Variants in ARHGEF37 observed in about 807,000 individuals in gnomAD.
The protein encoded by ARHGEF37 is Rho guanine nucleotide exchange factor (GEF) 37.
Under a neutral mutation model 71.1 loss-of-function variants are expected in ARHGEF37, and 55 were observed. The observed-to-expected ratio is 0.77, with a 90% CI of 0.62 to 0.97. The LOEUF (loss-of-function observed/expected upper bound fraction) is 0.97, where lower values mean the gene tolerates loss of function less well. Ranked by LOEUF, ARHGEF37 falls within the 50% of genes least tolerant of loss-of-function variation. The pLI is 0.00. For synonymous variants in ARHGEF37, 327 were observed against 350.6 expected, an observed-to-expected ratio of 0.93 and a Z score of 0.75; for missense variants, 765 against 836.8, an observed-to-expected ratio of 0.91 and a Z score of 1.06.
At chr5:149,621,531 T>C (rs992292542) in intron 8 of ARHGEF37, among the ~76,000 whole-genome samples, 9 of 152,250 alleles carry the variant, frequency 5.9e-5, no homozygotes, top group Non-Finnish European at 1.2e-4. Context: ...CTAAGCACTC[T>C]GTTAAGCTCA....
At chr5:149,617,839 C>A (rs981189886) in intron 5 of ARHGEF37, among the ~76,000 whole-genome samples, 1 of 152,186 alleles carries the variant, frequency 6.6e-6, no homozygotes. Context: ...GCAAATCTCT[C>A]CTCCATGGGT....
intron 3 of ARHGEF37, among the ~76,000 whole-genome samples, chr5:149,603,900 T>C (rs1763833831): frequency 6.6e-6 from 1 of 152,180 alleles, no homozygotes; most frequent in Non-Finnish European, 1.5e-5. Flanking sequence ...CGTGCCAGTG[T>C]ACTCCAGCCT....
intron 4 of ARHGEF37, among the ~76,000 whole-genome samples, chr5:149,615,769 G>T (rs1388575864): frequency 6.6e-6 from 1 of 152,128 alleles, no homozygotes; most frequent in African/African-American, 2.4e-5. Context: ...GTGTGCACCT[G>T]TAATCCCAGC....
chr5:149,553,430 G>A (rs1762712723), intron 1 of ARHGEF37, among the ~76,000 whole-genome samples: 1 of 150,140 alleles, frequency 6.7e-6, no homozygotes, highest in Non-Finnish European at 1.5e-5. Flanking sequence ...ATCAATTCTG[G>A]TCTTAAAAAA....
At chr5:149,622,951 C>A (rs1222882580) in intron 9 of ARHGEF37, among the ~76,000 whole-genome samples, 2 of 152,156 alleles carry the variant, frequency 1.3e-5, no homozygotes, top group East Asian at 3.9e-4. Flanking sequence ...CTCAGCTTTT[C>A]CCCATCCAAT....
intron 1 of ARHGEF37, among the ~76,000 whole-genome samples, chr5:149,556,107 G>C (rs1230819593): frequency 2.6e-5 from 4 of 152,198 alleles, no homozygotes; most frequent in Non-Finnish European, 5.9e-5. Flanking sequence ...CAGAAGGGTA[G>C]CCTGCCAATC....
At chr5:149,602,248 G>C (rs2113321819) in intron 3 of ARHGEF37, among the ~76,000 whole-genome samples, 1 of 151,950 alleles carries the variant, frequency 6.6e-6, no homozygotes, top group South Asian at 2.1e-4. Flanking sequence ...GTAGAGACAG[G>C]GTTTCACCGT....
chr5:149,562,723 G>T (rs1462300730), intron 1 of ARHGEF37, among the ~76,000 whole-genome samples: 1 of 152,130 alleles, frequency 6.6e-6, no homozygotes, highest in African/African-American at 2.4e-5. Flanking sequence ...TGGGATTACA[G>T]GCGTGAGCCA....
intron 3 of ARHGEF37, among the ~76,000 whole-genome samples, chr5:149,603,142 A>G (rs73267876): frequency 0.27 from 41,093 of 151,830 alleles, 6,578 homozygotes; most frequent in Admixed American, 0.44. Context: ...CATGTTGGCC[A>G]GGCTGGTCTC....
In ARHGEF37 at chr5:149,618,290, C is replaced by T. The variant is rs367668023; in HGVS notation, c.773C>T (p.Ala258Val). The T allele has an allele frequency of 1.8e-5, 29 of 1,614,064 alleles. No individual in the cohort carries two copies. The South Asian group carries it at 1.9e-4, about 10-fold the overall frequency. The change falls in exon 6 of 13, where the codon GCG becomes GTG. Residue 258 changes from alanine (A) to valine (V), a missense_variant. This residue lies in a region of ARHGEF37 where 167 missense variants were observed against 173.3 expected (regional missense o/e 0.96). Transcript: ENST00000333677. ...TRLSQLLKQEAGLIPRTEDKE... is the reference protein window; with the variant it reads ...TRLSQLLKQEVGLIPRTEDKE... ...CTGAGCCAGCTGCTGAAGCAGGAGGCGGGGCTGATCCCCAGGGTGAGCGTG... is the reference window on the plus strand; with the variant it reads ...CTGAGCCAGCTGCTGAAGCAGGAGGTGGGGCTGATCCCCAGGGTGAGCGTG...
upstream of ARHGEF37, among the ~76,000 whole-genome samples, chr5:149,577,572 C>A (rs1273185256): frequency 6.6e-6 from 1 of 152,184 alleles, no homozygotes; most frequent in Admixed American, 6.5e-5. Flanking sequence ...TAAAGAAGTT[C>A]TCTGATTAGC....
At chr5:149,575,947 T>C (rs1293186952) in intron 1 of ARHGEF37, among the ~76,000 whole-genome samples, 1 of 151,732 alleles carries the variant, frequency 6.6e-6, no homozygotes, top group Non-Finnish European at 1.5e-5. Context: ...TGGTTTTCAA[T>C]ACAAAATGTA....
intron 7 of ARHGEF37, among the ~76,000 whole-genome samples, chr5:149,619,841 G>A (rs1328447373): frequency 3.3e-5 from 5 of 152,082 alleles, no homozygotes; most frequent in East Asian, 1.9e-4. Flanking sequence ...AGGCCGAGGC[G>A]GGAAGATCAC....
chr5:149,551,672 G>T (rs964560274), upstream of ARHGEF37: 1 of 152,266 alleles, frequency 6.6e-6, no homozygotes, highest in Non-Finnish European at 1.5e-5. Context: ...TACTCGCCTC[G>T]GACCCGCCGG....
In ARHGEF37 at chr5:149,554,809, T is replaced by C. The variant is rs1210078569; in HGVS notation, c.-12+2686T>C. Among the ~76,000 whole-genome samples, 6 of 152,106 alleles carry C rather than the reference T, an allele frequency of 3.9e-5. No individual in the cohort carries two copies. In the South Asian group the frequency reaches 6.2e-4, roughly 16 times the overall value. Reference sequence around the variant, plus strand: ...AAAGTCACAAATCATTCTGTACTTATTGAATCAGCAGCAGCTTTGGTGTAA... The same window carrying C: ...AAAGTCACAAATCATTCTGTACTTACTGAATCAGCAGCAGCTTTGGTGTAA... On this transcript the variant is annotated intron_variant, in intron 1 of 2. Transcript: ENST00000505810.
chr5:149,617,612 G>T (rs1376251717), intron 5 of ARHGEF37, among the ~76,000 whole-genome samples: 1 of 152,220 alleles, frequency 6.6e-6, no homozygotes, highest in East Asian at 1.9e-4. Context: ...ATGAGAGCAT[G>T]CATCACTTGC....
rs772221320 is a variant in ARHGEF37, at chr5:149,622,034, TGCAGAGGGCAGAGGGAA to T, written c.1311_1327del (p.Gln437HisfsTer27). ...CAGAGGGACCTTGCAAAGCAAGTGC[TGCAGAGGGCAGAGGGAA>T]GCATGGCCCAGGTAAGGCCTCTGAG... On this transcript the variant is annotated frameshift_variant, in exon 9 of 13. Transcript: ENST00000333677. LOFTEE classifies it high-confidence loss of function. 7.4e-6 allele frequency: 12 copies of T among 1,613,424 alleles called. 1 individual carries two copies. Among genetic ancestry groups the T allele is most frequent in the Non-Finnish European group, 9.3e-6 (11 of 1,179,644 alleles).
chr5:149,585,669 C>G (rs1763214943), intron 1 of ARHGEF37, among the ~76,000 whole-genome samples: 1 of 127,366 alleles, frequency 7.9e-6, no homozygotes, highest in African/African-American at 3.1e-5. Context: ...AGGTGTCTGC[C>G]ACCACGCCCA....
At chr5:149,631,766 T>A (rs973137559) in intron 12 of ARHGEF37, among the ~76,000 whole-genome samples, 1 of 152,326 alleles carries the variant, frequency 6.6e-6, no homozygotes, top group South Asian at 2.1e-4. Context: ...CCAAACCCAG[T>A]AGAGTGCTAG....
Sources: gnomAD v4.1 joint callset for allele counts (sites outside exome capture counted in the v4.1 genomes callset) on GRCh38, gnomAD v4.1.1 for gene constraint, gnomAD v4.1.1 regional missense constraint, MANE v1.5 for transcripts, NCBI Gene and HGNC (gene_info 2026-07-23, HGNC 2026-07-21) for gene names.